Variants in CUL5 observed in about 807,000 individuals in gnomAD.
CUL5 encodes the protein cullin 5, also known as cullin-5.
A neutral mutation model predicts 108.8 loss-of-function variants in CUL5; 26 were observed. The ratio of observed to expected loss-of-function variants is 0.24; its 90% confidence interval spans 0.18 to 0.33. The LOEUF is 0.33. Among genes scored for constraint, CUL5 ranks in the 10% least tolerant of loss-of-function variants. The probability of loss-of-function intolerance (pLI) is 1.00; values close to 1 mark genes in which losing one functional copy is unlikely to be tolerated. For synonymous variants in CUL5, 334 were observed against 298.0 expected, an observed-to-expected ratio of 1.12 and a Z score of -1.25; for missense variants, 524 against 909.2, an observed-to-expected ratio of 0.58 and a Z score of 5.45.
At chr11:108,048,366 GA>G (rs1372603987) in intron 3 of CUL5, among the ~76,000 whole-genome samples, 1 of 152,140 alleles carries the variant, frequency 6.6e-6, no homozygotes. Flanking sequence ...GCTGGTCTCA[GA>G]TGAATTTGCC....
intron 11 of CUL5, among the ~76,000 whole-genome samples, chr11:108,084,464 A>T (rs1864175755): frequency 6.6e-6 from 1 of 152,206 alleles, no homozygotes; most frequent in Non-Finnish European, 1.5e-5. Flanking sequence ...TTGGACACTG[A>T]ATTGAAAGTC....
chr11:108,070,910 G>A (rs1466672014), intron 8 of CUL5, among the ~76,000 whole-genome samples: 1 of 152,102 alleles, frequency 6.6e-6, no homozygotes, highest in Non-Finnish European at 1.5e-5. Flanking sequence ...AAAGCAAGCT[G>A]CTTTATTGGC....
chr11:108,106,454 A>T lies in CUL5; in HGVS notation c.*2070A>T, dbSNP rs1323293046. ...CATTCATAGCAAAGTTTTTTATTAA[A>T]TTTTATAAATTTTTAATAGCCAATT... On this transcript the variant is annotated 3_prime_UTR_variant, in exon 19 of 19. Transcript: ENST00000393094. 6.6e-6 allele frequency: 1 copy of T among 152,318 alleles called. No homozygotes were observed. The highest frequency in any genetic ancestry group is 1.9e-4 in the East Asian group (1 of 5,194). The allele number at this position is 152,318 out of a possible 1,614,324, so 9.4% of individuals were successfully genotyped here.
chr11:108,049,467 A>G (rs1016354707), intron 3 of CUL5, among the ~76,000 whole-genome samples: 12 of 151,492 alleles, frequency 7.9e-5, no homozygotes, highest in African/African-American at 2.9e-4. Context: ...TCAACCTCCT[A>G]AGTAGCTGGG....
chr11:108,035,574 TAAA>T (rs35833167), intron 2 of CUL5, among the ~76,000 whole-genome samples: 3 of 141,548 alleles, frequency 2.1e-5, no homozygotes, highest in Non-Finnish European at 1.5e-5. Flanking sequence ...CCCTGTCTCT[TAAA>T]AAAAAAAAAA....
chr11:108,046,211 ATGTTT>A (rs1344743328), intron 2 of CUL5, 54 bp from the exon 3 acceptor site: 5 of 1,170,824 alleles, frequency 4.3e-6, no homozygotes, highest in Non-Finnish European at 3.7e-6. Context: ...AGAATTTAAG[ATGTTT>A]TGTTCAGTTC....
chr11:108,089,142 CGAGA>C, intron 12 of CUL5, among the ~76,000 whole-genome samples: 1 of 151,002 alleles, frequency 6.6e-6, no homozygotes. Flanking sequence ...ACAGAAAGGC[CGAGA>C]GAGATGACTA....
chr11:108,057,343 T>G (rs375723444), intron 7 of CUL5, among the ~76,000 whole-genome samples: 1 of 152,102 alleles, frequency 6.6e-6, no homozygotes, highest in Admixed American at 6.5e-5. Context: ...GGTCAAAAGT[T>G]TGAAATGAAA....
In CUL5 at chr11:108,062,931, C is replaced by T. The variant is rs530370012; in HGVS notation, c.781-7165C>T. Among the ~76,000 whole-genome samples the T allele has an allele frequency of 2.7e-4, 41 of 152,204 alleles. No individual in the cohort carries two copies. The East Asian group carries it at 3.3e-3, about 12-fold the overall frequency. ...CGGGATCTCAGCTCACCGCAACCTCCGCCTCCTGGGTTCAAGTGATTCTTC... is the reference window on the plus strand; with the variant it reads ...CGGGATCTCAGCTCACCGCAACCTCTGCCTCCTGGGTTCAAGTGATTCTTC... On this transcript the variant is annotated intron_variant, in intron 7 of 18. Transcript: ENST00000393094.
chr11:108,043,980 G>A (rs142042507), intron 2 of CUL5, among the ~76,000 whole-genome samples: 41 of 152,180 alleles, frequency 2.7e-4, no homozygotes, highest in African/African-American at 9.6e-4. Context: ...CCAAGGTGGC[G>A]CCATTGCACT....
intron 10 of CUL5, among the ~76,000 whole-genome samples, chr11:108,076,540 T>G (rs1863945896): frequency 6.6e-6 from 1 of 152,206 alleles, no homozygotes; most frequent in South Asian, 2.1e-4. Context: ...TCATGCAGTA[T>G]TTTTCTTCCT....
intron 5 of CUL5, among the ~76,000 whole-genome samples, chr11:108,053,695 T>C (rs1248796636): frequency 6.6e-6 from 1 of 150,816 alleles, no homozygotes; most frequent in Non-Finnish European, 1.5e-5. Context: ...TTTTTTTTTT[T>C]AAGAGATGGG....
chr11:108,054,690 G>A lies in CUL5; in HGVS notation c.597G>A (p.Arg199=). 2 of 1,605,890 alleles carry A rather than the reference G, an allele frequency of 1.2e-6. No homozygotes were observed. Among genetic ancestry groups the A allele is most frequent in the South Asian group, 1.1e-5 (1 of 90,350 alleles). Reference sequence around the variant, plus strand: ...CTGAGGATAAACTTCAAATTTATAGGGACAATTTTGAGAAGGCATACTTGG... The same window carrying A: ...CTGAGGATAAACTTCAAATTTATAGAGACAATTTTGAGAAGGCATACTTGG... ...SNPEDKLQIY[R]DNFEKAYLDS... Residue 199 remains arginine (R), a synonymous_variant, in exon 6 of 19, where the codon AGG becomes AGA. Coordinates refer to ENST00000393094, the MANE Select transcript of CUL5 (RefSeq NM_003478.6).
At position 108,054,505 on chromosome 11, in the gene CUL5, G is replaced by A. The variant is rs143803084; in HGVS notation, c.554-142G>A. The A allele has an allele frequency of 2.0e-3, 1,127 of 557,370 alleles. 13 individuals are homozygous for A. The highest frequency in any genetic ancestry group is 0.019 in the African/African-American group (985 of 51,652). The allele number at this position is 557,370 out of a possible 1,614,324, so 34.5% of individuals were successfully genotyped here. On this transcript the variant is annotated intron_variant, in intron 5 of 18. Transcript: ENST00000393094. Reference sequence around the variant, plus strand: ...ATCTTTATAAGTTTCTTATGGAGAAGGATTTTGTCTTATATAATTATATGT... The same window carrying A: ...ATCTTTATAAGTTTCTTATGGAGAAAGATTTTGTCTTATATAATTATATGT...
intron 2 of CUL5, among the ~76,000 whole-genome samples, chr11:108,041,392 C>G (rs976498022): frequency 6.6e-6 from 1 of 151,630 alleles, no homozygotes; most frequent in African/African-American, 2.4e-5. Context: ...ATTCTCCTGC[C>G]TCAGCCTCCC....
At chr11:108,039,333 G>A (rs796253864) in intron 2 of CUL5, among the ~76,000 whole-genome samples, 15 of 152,128 alleles carry the variant, frequency 9.9e-5, no homozygotes, top group African/African-American at 3.6e-4. Context: ...CCATGCTTAT[G>A]AACTCCAGTC....
intron 11 of CUL5, among the ~76,000 whole-genome samples, chr11:108,083,122 C>T (rs1176735641): frequency 1.3e-5 from 2 of 152,202 alleles, no homozygotes; most frequent in Non-Finnish European, 2.9e-5. Context: ...CTGACCGGAA[C>T]GTCTACTACA....
chr11:108,074,225 G>C (rs1246198938), intron 10 of CUL5, among the ~76,000 whole-genome samples: 2 of 114,032 alleles, frequency 1.8e-5, no homozygotes, highest in Non-Finnish European at 3.4e-5. Flanking sequence ...ACTGAGTTTC[G>C]CTCTTGTTGC....
intron 1 of CUL5, among the ~76,000 whole-genome samples, chr11:108,011,677 G>C (rs1479422490): frequency 6.6e-6 from 1 of 151,884 alleles, no homozygotes; most frequent in African/African-American, 2.4e-5. Flanking sequence ...TGCCAGGCTG[G>C]AGTTCAGTGG....
Sources: allele counts gnomAD v4.1 joint callset (sites outside exome capture counted in the v4.1 genomes callset), GRCh38; gene constraint gnomAD v4.1.1; transcripts MANE v1.5; gene names NCBI Gene and HGNC (gene_info 2026-07-23, HGNC 2026-07-21).